The following MDGA2 variants were observed in gnomAD, a reference collection of about 807,000 sequenced individuals.
MDGA2 encodes the protein MAM domain-containing glycosylphosphatidylinositol anchor protein 2.
Under a neutral mutation model 117.8 loss-of-function variants are expected in MDGA2, and 40 were observed. The ratio of observed to expected loss-of-function variants is 0.34; its 90% CI spans 0.26 to 0.44. MDGA2 has a LOEUF of 0.44. Among genes scored for constraint, MDGA2 ranks in the 20% least tolerant of loss-of-function variants. The probability of loss-of-function intolerance (pLI) is 1.00; values close to 1 mark genes in which losing one functional copy is unlikely to be tolerated. For missense variants in MDGA2, 1,123 were observed against 1,250.6 expected, an observed-to-expected ratio of 0.90 and a Z score of 1.54; for synonymous variants, 452 against 439.0, an observed-to-expected ratio of 1.03 and a Z score of -0.37.
intron 1 of MDGA2, among the ~76,000 whole-genome samples, chr14:47,474,981 T>A (rs1459127348): frequency 6.6e-6 from 1 of 152,042 alleles, no homozygotes; most frequent in Non-Finnish European, 1.5e-5. Flanking sequence ...AATTGACAAA[T>A]GGGGGCTAAT....
intron 10 of MDGA2, among the ~76,000 whole-genome samples, chr14:46,909,172 T>A: frequency 6.6e-6 from 1 of 152,186 alleles, no homozygotes; most frequent in East Asian, 1.9e-4. Flanking sequence ...ATACATTTAA[T>A]TGCAAAAGAT....
chr14:47,141,516 T>C, intron 4 of MDGA2, among the ~76,000 whole-genome samples: 1 of 152,186 alleles, frequency 6.6e-6, no homozygotes, highest in East Asian at 1.9e-4. Flanking sequence ...CCTAATATAA[T>C]GTTCTCCAGA....
intron 10 of MDGA2, among the ~76,000 whole-genome samples, chr14:46,901,655 C>A (rs944901737): frequency 6.6e-6 from 1 of 152,170 alleles, no homozygotes; most frequent in African/African-American, 2.4e-5. Context: ...TGCTTTTATG[C>A]AATTGTAAAA....
At chr14:46,927,878 T>G (rs1884390800) in intron 9 of MDGA2, among the ~76,000 whole-genome samples, 1 of 152,196 alleles carries the variant, frequency 6.6e-6, no homozygotes, top group Admixed American at 6.5e-5. Context: ...TAAGGCAGAC[T>G]ACCCTGCGAC....
chr14:47,426,415 C>G (rs1892690236), intron 1 of MDGA2, among the ~76,000 whole-genome samples: 1 of 151,742 alleles, frequency 6.6e-6, no homozygotes, highest in Admixed American at 6.6e-5. Context: ...TGAGCCCTTT[C>G]TTTTCTTTAA....
At chr14:47,331,259 T>C (rs1566741988) in intron 1 of MDGA2, among the ~76,000 whole-genome samples, 1 of 151,928 alleles carries the variant, frequency 6.6e-6, no homozygotes, top group Non-Finnish European at 1.5e-5. Context: ...CAAAATACTT[T>C]TTTATAAACT....
chr14:46,953,924 C>G (rs548065624), intron 9 of MDGA2, among the ~76,000 whole-genome samples: 1 of 152,166 alleles, frequency 6.6e-6, no homozygotes, highest in East Asian at 1.9e-4. Context: ...CTTCATTAAT[C>G]TCTGGTGCTG....
intron 2 of MDGA2, among the ~76,000 whole-genome samples, chr14:47,261,209 C>A (rs1887785218): frequency 6.6e-6 from 1 of 152,068 alleles, no homozygotes; most frequent in Non-Finnish European, 1.5e-5. Context: ...ATATCATGTT[C>A]TTCAGGCTTT....
intron 3 of MDGA2, among the ~76,000 whole-genome samples, chr14:47,157,252 A>T (rs1310254423): frequency 1.3e-5 from 2 of 152,204 alleles, no homozygotes; most frequent in East Asian, 3.8e-4. Flanking sequence ...CTTACAGCCA[A>T]CTTCCTCAAA....
chr14:46,987,529 C>A (rs1886905665), intron 8 of MDGA2, among the ~76,000 whole-genome samples: 1 of 152,046 alleles, frequency 6.6e-6, no homozygotes, highest in Admixed American at 6.6e-5. Context: ...AAGTCAGATG[C>A]AGCCACGCGT....
At chr14:47,161,696 G>A (rs371605584) in intron 3 of MDGA2, among the ~76,000 whole-genome samples, 7 of 151,364 alleles carry the variant, frequency 4.6e-5, no homozygotes, top group Middle Eastern at 3.4e-3. Flanking sequence ...GGCACACTCT[G>A]CCCCCACCCT....
At chr14:47,039,079 A>G (rs571509694) in intron 7 of MDGA2, among the ~76,000 whole-genome samples, 1 of 152,014 alleles carries the variant, frequency 6.6e-6, no homozygotes, top group Non-Finnish European at 1.5e-5. Context: ...TCCCCACTAA[A>G]TTTTCTATCT....
chr14:47,124,701 A>G (rs1243647640), intron 5 of MDGA2, among the ~76,000 whole-genome samples: 2 of 152,048 alleles, frequency 1.3e-5, no homozygotes, highest in Middle Eastern at 3.2e-3. Context: ...GGTCCTAAGG[A>G]TGAGACTCTA....
At chr14:47,168,148 G>A (rs1476620764) in intron 3 of MDGA2, among the ~76,000 whole-genome samples, 1 of 151,804 alleles carries the variant, frequency 6.6e-6, no homozygotes, top group African/African-American at 2.4e-5. Context: ...TCCCTTCTCT[G>A]CCATGAAGGA....
intron 3 of MDGA2, among the ~76,000 whole-genome samples, chr14:47,150,545 G>T (rs1001012163): frequency 2.0e-5 from 3 of 151,992 alleles, no homozygotes; most frequent in African/African-American, 7.3e-5. Context: ...CTGAAATATT[G>T]AACTCACAGG....
chr14:47,145,725 C>T (rs1381528182), intron 3 of MDGA2, among the ~76,000 whole-genome samples: 2 of 152,020 alleles, frequency 1.3e-5, no homozygotes, highest in African/African-American at 4.8e-5. Flanking sequence ...ATGAGATAGT[C>T]CATAAAGCCC....
At chr14:47,206,943 A>T (rs2139463298) in intron 3 of MDGA2, among the ~76,000 whole-genome samples, 1 of 152,186 alleles carries the variant, frequency 6.6e-6, no homozygotes, top group Middle Eastern at 3.4e-3. Context: ...CTTAGAAGTC[A>T]GAGATCATGA....
At chr14:47,318,655 G>A (rs1889881901) in intron 1 of MDGA2, among the ~76,000 whole-genome samples, 1 of 151,978 alleles carries the variant, frequency 6.6e-6, no homozygotes, top group Non-Finnish European at 1.5e-5. Flanking sequence ...TTTATCCCAA[G>A]GACCAAGCAA....
intron 1 of MDGA2, among the ~76,000 whole-genome samples, chr14:47,673,100 G>A (rs999079189): frequency 6.6e-6 from 1 of 152,148 alleles, no homozygotes; most frequent in Non-Finnish European, 1.5e-5. Context: ...TAGAAACACA[G>A]GAAAGGGGAG....
Sources: allele counts gnomAD v4.1 joint callset (sites outside exome capture counted in the v4.1 genomes callset), GRCh38; gene constraint gnomAD v4.1.1; transcripts MANE v1.5; gene names NCBI Gene and HGNC (gene_info 2026-07-23, HGNC 2026-07-21).